The following LMBR1 variants were observed in gnomAD, a reference collection of about 807,000 sequenced individuals.
LMBR1 encodes limb development membrane protein 1.
Under a neutral mutation model 73.9 loss-of-function variants are expected in LMBR1, and 52 were observed. The ratio of observed to expected loss-of-function variants is 0.70; its 90% CI spans 0.56 to 0.89. The LOEUF (loss-of-function observed/expected upper bound fraction) is 0.89. Ranked by LOEUF, LMBR1 falls within the 40% of genes least tolerant of loss-of-function variation. The pLI is 0.00. For synonymous variants in LMBR1, 215 were observed against 209.4 expected (o/e 1.03, Z -0.23); for missense variants, 539 against 579.8 (o/e 0.93, Z 0.72).
At chr7:156,772,084 AC>A (rs1825291706) in intron 5 of LMBR1, among the ~76,000 whole-genome samples, 2 of 151,780 alleles carry the variant, frequency 1.3e-5, no homozygotes, top group African/African-American at 4.8e-5. Context: ...GACCAGCCTG[AC>A]CAACATGGTG....
chr7:156,708,679 TA>T lies in LMBR1; in HGVS notation c.1225+15432del, dbSNP rs1811481914. 3.3e-5 allele frequency among the ~76,000 whole-genome samples: 5 copies of T among 152,156 alleles called. No individual in the cohort carries two copies. The South Asian group carries it at 1.0e-3, about 32-fold the overall frequency. ...GCAAATTTTCTTGAGCAGAATCTGG[TA>T]GGGGGGCAGGGTGCAAATGGGAACT... On this transcript the variant is annotated intron_variant, in intron 15 of 16. Transcript: ENST00000353442.
At chr7:156,726,287 G>C (rs959584350) in intron 12 of LMBR1, among the ~76,000 whole-genome samples, 28 of 152,274 alleles carry the variant, frequency 1.8e-4, no homozygotes, top group African/African-American at 6.7e-4. Context: ...AGTAGAAAGA[G>C]AGTAAATGTG....
chr7:156,892,293 G>A (rs536772701), intron 1 of LMBR1, among the ~76,000 whole-genome samples: 6 of 152,374 alleles, frequency 3.9e-5, no homozygotes, highest in African/African-American at 1.2e-4. Context: ...GGGGGCTGGG[G>A]GAGATGAAAG....
chr7:156,693,296 G>C (rs1807610500), intron 15 of LMBR1, among the ~76,000 whole-genome samples: 1 of 151,836 alleles, frequency 6.6e-6, no homozygotes, highest in South Asian at 2.1e-4. Flanking sequence ...GTTAGCAGAA[G>C]AAAGAAAATA....
At chr7:156,789,917 A>G (rs1828898424) in intron 5 of LMBR1, among the ~76,000 whole-genome samples, 1 of 152,116 alleles carries the variant, frequency 6.6e-6, no homozygotes, top group Non-Finnish European at 1.5e-5. Flanking sequence ...AGCCAGTTTA[A>G]TTTAAAGTAT....
intron 16 of LMBR1, among the ~76,000 whole-genome samples, chr7:156,687,513 C>T (rs1300276283): frequency 6.6e-6 from 1 of 152,202 alleles, no homozygotes; most frequent in Admixed American, 6.5e-5. Flanking sequence ...TCTTGGAACA[C>T]ATAACAGTAA....
chr7:156,802,833 C>A (rs1831253120), intron 4 of LMBR1, among the ~76,000 whole-genome samples: 1 of 152,068 alleles, frequency 6.6e-6, no homozygotes, highest in African/African-American at 2.4e-5. Context: ...GAAAAGAACT[C>A]AGAAATAATG....
At chr7:156,739,312 AC>A (rs1366148332) in intron 9 of LMBR1, among the ~76,000 whole-genome samples, 1 of 152,140 alleles carries the variant, frequency 6.6e-6, no homozygotes, top group Non-Finnish European at 1.5e-5. Flanking sequence ...AAAGTTTCTG[AC>A]TTCAAACTCT....
At chr7:156,789,254 T>G (rs375324156) in intron 5 of LMBR1, among the ~76,000 whole-genome samples, 11 of 152,324 alleles carry the variant, frequency 7.2e-5, no homozygotes, top group African/African-American at 2.4e-4. Context: ...CACATTCACA[T>G]ACATATTTTT....
intron 9 of LMBR1, among the ~76,000 whole-genome samples, chr7:156,754,075 A>G (rs1563282036): frequency 6.6e-6 from 1 of 152,240 alleles, no homozygotes; most frequent in East Asian, 1.9e-4. Flanking sequence ...AAAAAAGGAA[A>G]GAAGAAAGGG....
intron 5 of LMBR1, among the ~76,000 whole-genome samples, chr7:156,764,816 G>A (rs1407667581): frequency 6.6e-6 from 1 of 152,160 alleles, no homozygotes; most frequent in African/African-American, 2.4e-5. Flanking sequence ...AAATTCAATA[G>A]AAAGGAAAGA....
intron 9 of LMBR1, among the ~76,000 whole-genome samples, chr7:156,735,612 G>A (rs1269135261): frequency 2.0e-5 from 3 of 148,968 alleles, no homozygotes; most frequent in Non-Finnish European, 3.0e-5. Flanking sequence ...TGTTTGCTAG[G>A]GTTTTTTTGT....
At chr7:156,784,217 G>A (rs1397508142) in intron 5 of LMBR1, among the ~76,000 whole-genome samples, 2 of 152,060 alleles carry the variant, frequency 1.3e-5, no homozygotes, top group East Asian at 1.9e-4. Context: ...AATACACCGA[G>A]TTTGGGGCCT....
chr7:156,722,498 G>A (rs1814799985), intron 15 of LMBR1, among the ~76,000 whole-genome samples: 1 of 152,066 alleles, frequency 6.6e-6, no homozygotes, highest in South Asian at 2.1e-4. Flanking sequence ...CTAGAAATTT[G>A]CTTTTTTAAT....
At chr7:156,871,478 A>C (rs1459144077) in intron 1 of LMBR1, among the ~76,000 whole-genome samples, 1 of 152,220 alleles carries the variant, frequency 6.6e-6, no homozygotes, top group African/African-American at 2.4e-5. Context: ...AAGCCAGACA[A>C]AGAAGCCATA....
chr7:156,859,634 A>T (rs1797462943), intron 1 of LMBR1, among the ~76,000 whole-genome samples: 2 of 152,190 alleles, frequency 1.3e-5, no homozygotes, highest in Admixed American at 1.3e-4. Flanking sequence ...ATAAAACTAC[A>T]AAACTCTGAT....
intron 1 of LMBR1, among the ~76,000 whole-genome samples, chr7:156,863,214 G>A (rs1184294792): frequency 6.6e-6 from 1 of 152,128 alleles, no homozygotes; most frequent in Non-Finnish European, 1.5e-5. Flanking sequence ...TCTGAAAGCT[G>A]AGGAGCAAGG....
chr7:156,884,519 G>A (rs953827820), intron 1 of LMBR1, among the ~76,000 whole-genome samples: 1 of 151,970 alleles, frequency 6.6e-6, no homozygotes, highest in Non-Finnish European at 1.5e-5. Context: ...TTTCCTTCTA[G>A]AAAAGATTTC....
chr7:156,786,431 C>G (rs1828120994), intron 5 of LMBR1, among the ~76,000 whole-genome samples: 1 of 152,066 alleles, frequency 6.6e-6, no homozygotes, highest in African/African-American at 2.4e-5. Flanking sequence ...ATAAATTGCT[C>G]TAGAATAACT....
Sources: allele counts gnomAD v4.1 joint callset (sites outside exome capture counted in the v4.1 genomes callset), GRCh38; gene constraint gnomAD v4.1.1; transcripts MANE v1.5; gene names NCBI Gene and HGNC (gene_info 2026-07-23, HGNC 2026-07-21).